Variants in CERS1 observed in about 807,000 individuals in gnomAD.
The protein encoded by CERS1 is ceramide synthase 1.
CERS1 carries 16 observed loss-of-function variants against 35.7 expected under a neutral mutation model. The ratio of observed to expected loss-of-function variants is 0.45; its 90% CI spans 0.30 to 0.68. CERS1 has a LOEUF of 0.68. Ranked by LOEUF, CERS1 falls within the 30% of genes least tolerant of loss-of-function variation. The pLI, the probability that CERS1 is intolerant of heterozygous loss-of-function variation, is 0.08. For missense variants in CERS1, 454 were observed against 453.9 expected, an observed-to-expected ratio of 1.00 and a Z score of 0.00; for synonymous variants, 243 against 201.6, an observed-to-expected ratio of 1.21 and a Z score of -1.74.
At chr19:18,875,556 AAAG>A (rs2056045740) in intron 6 of CERS1, among the ~76,000 whole-genome samples, 6 of 152,116 alleles carry the variant, frequency 3.9e-5, no homozygotes, top group Non-Finnish European at 1.5e-5. Context: ...AAAAAAAAAA[AAAG>A]AAGCTTTTGG....
intron 2 of CERS1, among the ~76,000 whole-genome samples, chr19:18,889,398 A>G (rs1346125241): frequency 6.6e-6 from 1 of 151,850 alleles, no homozygotes; most frequent in East Asian, 1.9e-4. Flanking sequence ...GTCCTGGCTT[A>G]GTTCAGAGGT....
chr19:18,876,005 G>A (rs1184809769), intron 6 of CERS1, among the ~76,000 whole-genome samples: 1 of 152,230 alleles, frequency 6.6e-6, no homozygotes, highest in Non-Finnish European at 1.5e-5. Flanking sequence ...TCACAAGCTT[G>A]TGTTCCTTTT....
At chr19:18,885,511 G>GTTTTTT (rs59793456) in intron 2 of CERS1, among the ~76,000 whole-genome samples, 268 of 22,094 alleles carry the variant, frequency 0.012, 8 homozygotes, top group African/African-American at 0.029. Flanking sequence ...GCCCCTTCTC[G>GTTTTTT]TTTTTTTTTT....
intron 2 of CERS1, among the ~76,000 whole-genome samples, chr19:18,892,073 T>C (rs1315731622): frequency 1.3e-5 from 2 of 151,910 alleles, no homozygotes. Flanking sequence ...TATTTTTGTA[T>C]TTTTAGTACA....
At chr19:18,875,708 C>T (rs2056048872) in intron 6 of CERS1, among the ~76,000 whole-genome samples, 1 of 152,180 alleles carries the variant, frequency 6.6e-6, no homozygotes, top group South Asian at 2.1e-4. Context: ...CAAGCTCAGA[C>T]AACACCTTAG....
rs2056596696 is a variant in CERS1, at chr19:18,895,253, A to G, written c.249+571T>C. 6.6e-6 allele frequency among the ~76,000 whole-genome samples: 1 copy of G among 152,218 alleles called. No individual in the cohort carries two copies. On this transcript the variant is annotated intron_variant, in intron 1 of 7. Coordinates refer to ENST00000623882, the MANE Select transcript of CERS1 (RefSeq NM_021267.5). The surrounding 1 kb of genome is among the most constrained non-coding windows in gnomAD (Gnocchi z 6.4). ...GGGCAGCTCCTGCCTCTTCCCGATT[A>G]CAGCGGGCAAGCCGGCCCCGCCGCC...
chr19:18,881,099 T>C (rs1389873784), intron 3 of CERS1, among the ~76,000 whole-genome samples: 13 of 152,162 alleles, frequency 8.5e-5, no homozygotes, highest in Non-Finnish European at 1.6e-4. Flanking sequence ...AGATCCTCCA[T>C]GAGCTTGTCC....
At position 18,870,759 on chromosome 19, in the gene CERS1, C is replaced by T. The variant is rs1312175551; in HGVS notation, c.1011-140G>A. The T allele has an allele frequency of 2.0e-5, 9 of 442,616 alleles. No individual in the cohort carries two copies. The highest frequency in any genetic ancestry group is 3.5e-5 in the East Asian group (1 of 28,282). 27.4% of individuals were successfully genotyped at this position (442,616 alleles called of 1,614,324 possible). On this transcript the variant is annotated intron_variant, in intron 6 of 7. Transcript: ENST00000623882. This position sits in a 1 kb window ranked among gnomAD's most constrained non-coding sequence, Gnocchi z 5.1. ...CCCGGGCCTCGCCTTGTGGCTTCCT[C>T]CTCGCCTTCACCCTGCCCCTCCTTG...
chr19:18,884,332 C>T lies in CERS1; in HGVS notation c.410-65G>A, dbSNP rs892998409. The T allele has an allele frequency of 4.9e-5, 73 of 1,476,704 alleles. No homozygotes were observed. In the South Asian group the frequency reaches 6.3e-4, roughly 13 times the overall value. The allele number at this position is 1,476,704 out of a possible 1,614,324, so 91.5% of individuals were successfully genotyped here. A position where few individuals can be genotyped will look rare whatever the true frequency, so the allele number is the denominator to read the frequency against. On this transcript the variant is annotated intron_variant, in intron 2 of 7. Transcript: ENST00000623882. ...CCTCTAGACGATCGCCTCCATGACC[C>T]GGTGACACCCTCCAAGCCACACGTG...
Position 18,892,431 on chromosome 19 carries a change from G to A in CERS1, c.409+985C>T, listed in dbSNP as rs573726361. Reference sequence around the variant, plus strand: ...AGATTGAGACCATCCTGGCTAACACGGTGAAACCCCGTCTCTACTAAAAAT... The same window carrying A: ...AGATTGAGACCATCCTGGCTAACACAGTGAAACCCCGTCTCTACTAAAAAT... On this transcript the variant is annotated intron_variant, in intron 2 of 7. Coordinates refer to ENST00000623882, the MANE Select transcript of CERS1 (RefSeq NM_021267.5). Among the ~76,000 whole-genome samples the A allele has an allele frequency of 1.1e-4, 16 of 151,958 alleles. No homozygotes were observed. In the South Asian group the frequency reaches 2.9e-3, roughly 28 times the overall value.
At chr19:18,883,627 A>G (rs1410860830) in intron 3 of CERS1, among the ~76,000 whole-genome samples, 1 of 152,236 alleles carries the variant, frequency 6.6e-6, no homozygotes, top group Non-Finnish European at 1.5e-5. Flanking sequence ...TTATGCACAC[A>G]GCATGGTGAG....
chr19:18,876,772 C>T (rs1160431992), intron 6 of CERS1, among the ~76,000 whole-genome samples: 1 of 152,204 alleles, frequency 6.6e-6, no homozygotes, highest in African/African-American at 2.4e-5. Flanking sequence ...TCCAGCTCCC[C>T]TGACATTACA....
At position 18,895,223 on chromosome 19, in the gene CERS1, C is replaced by T. The variant is rs2056595832; in HGVS notation, c.249+601G>A. On this transcript the variant is annotated intron_variant, in intron 1 of 7. Transcript: ENST00000623882. This position sits in a 1 kb window ranked among gnomAD's most constrained non-coding sequence, Gnocchi z 6.4. ...CTGACCCCAGATAGGCACAAGGCAGCGACCGGGCAGCTCCTGCCTCTTCCC... is the reference window on the plus strand; with the variant it reads ...CTGACCCCAGATAGGCACAAGGCAGTGACCGGGCAGCTCCTGCCTCTTCCC... Among the ~76,000 whole-genome samples the T allele has an allele frequency of 6.6e-6, 1 of 152,244 alleles. No homozygotes were observed.
chr19:18,873,542 TA>T (rs991755047), intron 6 of CERS1, among the ~76,000 whole-genome samples: 1 of 151,540 alleles, frequency 6.6e-6, no homozygotes, highest in African/African-American at 2.4e-5. Context: ...ACAAAAATTT[TA>T]AAAATTAGCC....
chr19:18,878,483 G>A lies in CERS1; in HGVS notation c.1010+447C>T, dbSNP rs768519231. 5.0e-6 allele frequency: 5 copies of A among 994,276 alleles called. No homozygotes were observed. Among genetic ancestry groups the A allele is most frequent in the Admixed American group, 5.6e-5 (1 of 17,776 alleles). The allele number at this position is 994,276 out of a possible 1,614,324, so 61.6% of individuals were successfully genotyped here. On this transcript the variant is annotated intron_variant, in intron 6 of 7. Transcript: ENST00000623882. This position sits in a 1 kb window ranked among gnomAD's most constrained non-coding sequence, Gnocchi z 4.6. ...TCAAACTCAGAGGCCAGGATGTCTCGGCCCAGATGGAGCCTGGGTTCTCTC... is the reference window on the plus strand; with the variant it reads ...TCAAACTCAGAGGCCAGGATGTCTCAGCCCAGATGGAGCCTGGGTTCTCTC...
intron 3 of CERS1, among the ~76,000 whole-genome samples, chr19:18,881,084 T>G (rs937259626): frequency 6.6e-6 from 1 of 152,138 alleles, no homozygotes; most frequent in African/African-American, 2.4e-5. Context: ...GGGTACTCTG[T>G]GTCCAGATCC....
At chr19:18,874,044 G>A (rs1273753464) in intron 6 of CERS1, among the ~76,000 whole-genome samples, 2 of 152,084 alleles carry the variant, frequency 1.3e-5, no homozygotes, top group African/African-American at 4.8e-5. Context: ...GTGGAGAAGA[G>A]CAGAGAGCAC....
chr19:18,888,484 C>T (rs190500547), intron 2 of CERS1, among the ~76,000 whole-genome samples: 10 of 143,748 alleles, frequency 7.0e-5, no homozygotes, highest in African/African-American at 2.6e-4. Flanking sequence ...CACCACCACA[C>T]TCCAGCCTGG....
chr19:18,877,977 C>T, intron 6 of CERS1: 1 of 985,488 alleles, frequency 1.0e-6, no homozygotes, highest in East Asian at 1.1e-4. Context: ...TGGGTTCTCC[C>T]TTCCAAACAG....
Sources: gnomAD v4.1 joint callset for allele counts (sites outside exome capture counted in the v4.1 genomes callset) on GRCh38, gnomAD v4.1.1 for gene constraint, Gnocchi (gnomAD v3.1) non-coding constraint, MANE v1.5 for transcripts, NCBI Gene and HGNC (gene_info 2026-07-23, HGNC 2026-07-21) for gene names.